The following AGAP1 variants were observed in gnomAD, a reference collection of about 807,000 sequenced individuals.
AGAP1 encodes the protein arf-GAP with GTPase, ANK repeat and PH domain-containing protein 1.
Under a neutral mutation model 105.3 loss-of-function variants are expected in AGAP1, and 29 were observed. The observed-to-expected ratio is 0.28, with a 90% CI of 0.21 to 0.38. The LOEUF is 0.38. Ranked by LOEUF, AGAP1 falls within the 10% of genes least tolerant of loss-of-function variation. The pLI is 1.00. For synonymous variants in AGAP1, 509 were observed against 485.9 expected (o/e 1.05, Z -0.63); for missense variants, 998 against 1,165.1 (o/e 0.86, Z 2.09).
rs914604885 is a variant in AGAP1 at position 235,962,163 on chromosome 2, A to G, written c.1484-6299A>G. 2.6e-5 allele frequency among the ~76,000 whole-genome samples: 4 copies of G among 151,668 alleles called. No individual in the cohort carries two copies. Among genetic ancestry groups the G allele is most frequent in the Non-Finnish European group, 5.9e-5 (4 of 67,994 alleles). On this transcript the variant is annotated intron_variant, in intron 12 of 17. Transcript: ENST00000304032. The surrounding 1 kb of genome is among the most constrained non-coding windows in gnomAD (Gnocchi z 5.3). ...TTGAAGCGGGAGGAGAAGCTTTGAA[A>G]TAGCCCCTTGGAGAGTGGGAAGTGG...
intron 1 of AGAP1, among the ~76,000 whole-genome samples, chr2:235,508,419 T>C (rs1488910736): frequency 6.6e-6 from 1 of 152,198 alleles, no homozygotes; most frequent in Non-Finnish European, 1.5e-5. Context: ...AGTTCGCAGC[T>C]CTCCTGCAGA....
intron 1 of AGAP1, among the ~76,000 whole-genome samples, chr2:235,676,729 C>T (rs972382724): frequency 3.3e-5 from 5 of 152,112 alleles, no homozygotes; most frequent in African/African-American, 1.2e-4. Context: ...GATAGGAATT[C>T]TCCTTTAGGC....
chr2:235,951,596 C>T lies in AGAP1; in HGVS notation c.1484-16866C>T, dbSNP rs1005654216. The stretch of plus-strand genomic sequence containing the variant: ...AAACAGGCGTAAACAGAGGTTGTCC[C>T]GGGAAAGGCAGAATGAATGTCACCC... On this transcript the variant is annotated intron_variant, in intron 12 of 17. Coordinates refer to ENST00000304032, the MANE Select transcript of AGAP1 (RefSeq NM_001037131.3). This position sits in a 1 kb window ranked among gnomAD's most constrained non-coding sequence, Gnocchi z 4.2. Among the ~76,000 whole-genome samples the T allele has an allele frequency of 2.6e-5, 4 of 152,112 alleles. No homozygotes were observed. The highest frequency in any genetic ancestry group is 5.9e-5 in the Non-Finnish European group (4 of 68,038).
rs1476354991 is a variant in AGAP1 at position 235,879,863 on chromosome 2, GT to G, written c.1051-3480del. On this transcript the variant is annotated intron_variant, in intron 9 of 17. Transcript: ENST00000304032. This position sits in a 1 kb window ranked among gnomAD's most constrained non-coding sequence, Gnocchi z 5.0. ...GCAGGAGAATTGCTTGAGCTGGAAAGTTCAAGGTTGCAGTGAGCTGTAATTG... is the reference window on the plus strand; with the variant it reads ...GCAGGAGAATTGCTTGAGCTGGAAAGTCAAGGTTGCAGTGAGCTGTAATTG... Among the ~76,000 whole-genome samples, 1 of 152,188 alleles carries G rather than the reference GT, an allele frequency of 6.6e-6. No individual in the cohort carries two copies. The highest frequency in any genetic ancestry group is 1.5e-5 in the Non-Finnish European group (1 of 68,034).
rs563229083 is a variant in AGAP1, at chr2:235,659,010, T to C, written c.164-50169T>C. On this transcript the variant is annotated intron_variant, in intron 1 of 17. Transcript: ENST00000304032. This position sits in a 1 kb window ranked among gnomAD's most constrained non-coding sequence, Gnocchi z 5.0. ...CACTCTGAAGCAGCCCAGCAGCATG[T>C]ACAGCACTTGCTTTCCTTTGAGAGG... Among the ~76,000 whole-genome samples, 11 of 152,218 alleles carry C rather than the reference T, an allele frequency of 7.2e-5. No homozygotes were observed. The highest frequency in any genetic ancestry group is 1.6e-4 in the Non-Finnish European group (11 of 68,046).
chr2:236,004,040 C>G (rs140011916), intron 13 of AGAP1, among the ~76,000 whole-genome samples: 40 of 152,268 alleles, frequency 2.6e-4, no homozygotes, highest in African/African-American at 9.1e-4. Flanking sequence ...CAATGGGCAC[C>G]TCGTATCTTG....
chr2:236,063,739 C>T (rs2058270391), intron 16 of AGAP1, among the ~76,000 whole-genome samples: 2 of 152,350 alleles, frequency 1.3e-5, no homozygotes, highest in African/African-American at 4.8e-5. Flanking sequence ...CAAGCCACTC[C>T]TGGCTGCAGA....
rs1200502160 is a variant in AGAP1 at position 235,973,582 on chromosome 2, G to C, written c.1645+4959G>C. Among the ~76,000 whole-genome samples the C allele has an allele frequency of 6.6e-6, 1 of 152,170 alleles. No individual in the cohort carries two copies. The highest frequency in any genetic ancestry group is 2.4e-5 in the African/African-American group (1 of 41,438). On this transcript the variant is annotated intron_variant, in intron 13 of 17. Transcript: ENST00000304032. This position sits in a 1 kb window ranked among gnomAD's most constrained non-coding sequence, Gnocchi z 4.7. ...GAGAGAAGGGTGGTGATGAGGATGA[G>C]GGCCATGAGGCATGGTGACTGTGAC...
In AGAP1 at chr2:235,600,508, A is replaced by G. The variant is rs1351738862; in HGVS notation, c.163+105659A>G. Among the ~76,000 whole-genome samples the G allele has an allele frequency of 2.0e-5, 3 of 152,166 alleles. No individual in the cohort carries two copies. Among genetic ancestry groups the G allele is most frequent in the Non-Finnish European group, 2.9e-5 (2 of 68,036 alleles). ...GAGGGATGGAACCAATAGGCCAGATATGTAATAAAGGGGAGTTTATTAAGG... is the reference window on the plus strand; with the variant it reads ...GAGGGATGGAACCAATAGGCCAGATGTGTAATAAAGGGGAGTTTATTAAGG... On this transcript the variant is annotated intron_variant, in intron 1 of 17. Coordinates refer to ENST00000304032, the MANE Select transcript of AGAP1 (RefSeq NM_001037131.3). This position sits in a 1 kb window ranked among gnomAD's most constrained non-coding sequence, Gnocchi z 4.8.
chr2:236,051,060 G>T lies in AGAP1; in HGVS notation c.2114+1779G>T, dbSNP rs1279259863. Among the ~76,000 whole-genome samples, 1 of 152,152 alleles carries T rather than the reference G, an allele frequency of 6.6e-6. No homozygotes were observed. Among genetic ancestry groups the T allele is most frequent in the Non-Finnish European group, 1.5e-5 (1 of 68,034 alleles). ...GACTTGCTTACTCCCAAGTGCAGTG[G>T]TTGCAGTTAAGTCCCATCTTTTCTT... On this transcript the variant is annotated intron_variant, in intron 16 of 17. Transcript: ENST00000304032. The surrounding 1 kb of genome is among the most constrained non-coding windows in gnomAD (Gnocchi z 5.9).
In AGAP1 at chr2:235,684,055, G is replaced by A. The variant is rs377253734; in HGVS notation, c.164-25124G>A. Reference sequence around the variant, plus strand: ...TCATCCTTTTTTTGTTTGTTTGTTTGTTTTGAGATGGAGTCTTGCTCTGTC... The same window carrying A: ...TCATCCTTTTTTTGTTTGTTTGTTTATTTTGAGATGGAGTCTTGCTCTGTC... On this transcript the variant is annotated intron_variant, in intron 1 of 17. Coordinates refer to ENST00000304032, the MANE Select transcript of AGAP1 (RefSeq NM_001037131.3). Among the ~76,000 whole-genome samples, 33 of 151,956 alleles carry A rather than the reference G, an allele frequency of 2.2e-4. No homozygotes were observed. In the South Asian group the frequency reaches 4.0e-3, roughly 18 times the overall value.
Position 235,556,990 on chromosome 2 carries a change from T to G in AGAP1, c.163+62141T>G, listed in dbSNP as rs1238570391. On this transcript the variant is annotated intron_variant, in intron 1 of 17. Transcript: ENST00000304032. The surrounding 1 kb of genome is among the most constrained non-coding windows in gnomAD (Gnocchi z 5.3). ...TAGCGTTTAGTGCACACCTCTTTTG[T>G]GCAACTCAGGGCTTTCTGGAGGTTG... Among the ~76,000 whole-genome samples, 1 of 152,180 alleles carries G rather than the reference T, an allele frequency of 6.6e-6. No homozygotes were observed. The highest frequency in any genetic ancestry group is 1.9e-4 in the East Asian group (1 of 5,182).
rs2051002153 is a variant in AGAP1, at chr2:235,900,238, CATG to C, written c.1156-8496_1156-8494del. Among the ~76,000 whole-genome samples, 1 of 152,214 alleles carries C rather than the reference CATG, an allele frequency of 6.6e-6. No homozygotes were observed. The highest frequency in any genetic ancestry group is 1.5e-5 in the Non-Finnish European group (1 of 68,040). ...TTCCACACATACTCTTCCTTACCTC[CATG>C]ATGGAGTAGTAGACTGATTTCATCT... On this transcript the variant is annotated intron_variant, in intron 10 of 17. Coordinates refer to ENST00000304032, the MANE Select transcript of AGAP1 (RefSeq NM_001037131.3). The surrounding 1 kb of genome is among the most constrained non-coding windows in gnomAD (Gnocchi z 5.5).
chr2:235,802,642 G>A (rs956178820), intron 8 of AGAP1, among the ~76,000 whole-genome samples: 1 of 147,902 alleles, frequency 6.8e-6, no homozygotes, highest in African/African-American at 2.7e-5. Context: ...TGGTGATGAT[G>A]GTTGTGGTGA....
At chr2:235,898,913 A>G (rs2050933250) in intron 10 of AGAP1, among the ~76,000 whole-genome samples, 1 of 152,224 alleles carries the variant, frequency 6.6e-6, no homozygotes, top group South Asian at 2.1e-4. Flanking sequence ...AAGTGTGGTT[A>G]TCAGTGAATT....
chr2:236,040,463 G>A lies in AGAP1; in HGVS notation c.1801-288G>A. On this transcript the variant is annotated intron_variant, in intron 14 of 17. Transcript: ENST00000304032. The surrounding 1 kb of genome is among the most constrained non-coding windows in gnomAD (Gnocchi z 5.6). ...CCTTCTCCAGGTTACCATGGTCCATGCGTATTCACAGATGATCCAGAACTC... is the reference window on the plus strand; with the variant it reads ...CCTTCTCCAGGTTACCATGGTCCATACGTATTCACAGATGATCCAGAACTC... 2.0e-6 allele frequency: 1 copy of A among 497,490 alleles called. No homozygotes were observed. The highest frequency in any genetic ancestry group is 3.6e-6 in the Non-Finnish European group (1 of 276,642). 30.8% of individuals were successfully genotyped at this position (497,490 alleles called of 1,614,324 possible). A position where few individuals can be genotyped will look rare whatever the true frequency, so the allele number is the denominator to read the frequency against.
chr2:235,752,488 C>G lies in AGAP1; in HGVS notation c.673+2000C>G, dbSNP rs1434896215. 5.3e-5 allele frequency among the ~76,000 whole-genome samples: 8 copies of G among 152,114 alleles called. No individual in the cohort carries two copies. Among genetic ancestry groups the G allele is most frequent in the Admixed American group, 5.2e-4 (8 of 15,268 alleles). On this transcript the variant is annotated intron_variant, in intron 6 of 17. Transcript: ENST00000304032. The surrounding 1 kb of genome is among the most constrained non-coding windows in gnomAD (Gnocchi z 4.3). ...GCCACCGCGCCTGGCTGTAAATAGA[C>G]TTTTCATGACGCAGAGCCACGCTTT... is the stretch of plus-strand genomic sequence containing the variant.
chr2:235,648,136 G>T (rs1480791728), intron 1 of AGAP1, among the ~76,000 whole-genome samples: 2 of 152,178 alleles, frequency 1.3e-5, no homozygotes, highest in African/African-American at 2.4e-5. Flanking sequence ...TGACTGGGGG[G>T]TGTCCATCCC....
chr2:235,800,174 A>G (rs991421925), intron 8 of AGAP1, among the ~76,000 whole-genome samples: 13 of 148,156 alleles, frequency 8.8e-5, no homozygotes, highest in Middle Eastern at 3.5e-3. Flanking sequence ...TGGCTCAGTC[A>G]TGGCTCACTG....
Sources: gnomAD v4.1 joint callset for allele counts (sites outside exome capture counted in the v4.1 genomes callset) on GRCh38, gnomAD v4.1.1 for gene constraint, Gnocchi (gnomAD v3.1) non-coding constraint, MANE v1.5 for transcripts, NCBI Gene and HGNC (gene_info 2026-07-23, HGNC 2026-07-21) for gene names.